The following DNMT1 variants were observed in gnomAD, a reference collection of about 807,000 sequenced individuals.
The protein encoded by DNMT1 is DNA (cytosine-5)-methyltransferase 1.
Under a neutral mutation model 205.3 loss-of-function variants are expected in DNMT1, and 24 were observed. That is an observed-to-expected ratio of 0.12 (90% CI 0.08 to 0.16). DNMT1 has a LOEUF of 0.16. Among genes scored for constraint, DNMT1 ranks in the 10% least tolerant of loss-of-function variants. The probability of loss-of-function intolerance (pLI) is 1.00; values close to 1 mark genes in which losing one functional copy is unlikely to be tolerated. For synonymous variants in DNMT1, 817 were observed against 839.8 expected (o/e 0.97, Z 0.47); for missense variants, 1,293 against 2,177.7 (o/e 0.59, Z 8.09).
At chr19:10,134,978 G>A (rs972284532) in intron 39 of DNMT1, among the ~76,000 whole-genome samples, 8 of 151,530 alleles carry the variant, frequency 5.3e-5, no homozygotes, top group African/African-American at 9.7e-5. Flanking sequence ...TTGGGAGGCC[G>A]AGGCAGGCGG....
intron 7 of DNMT1, among the ~76,000 whole-genome samples, chr19:10,174,984 G>A (rs2038905395): frequency 6.6e-6 from 1 of 151,398 alleles, no homozygotes; most frequent in African/African-American, 2.4e-5. Context: ...GAACCCGGGA[G>A]GCTGAGGTTG....
At chr19:10,189,854 C>G (rs1019701542) in intron 1 of DNMT1, among the ~76,000 whole-genome samples, 2 of 152,116 alleles carry the variant, frequency 1.3e-5, no homozygotes, top group African/African-American at 4.8e-5. Context: ...CACGTAATAA[C>G]CAGTGATGAA....
chr19:10,163,498 T>G (rs537108334), intron 11 of DNMT1, 138 bp from the exon 12 acceptor site: 1 of 850,022 alleles, frequency 1.2e-6, no homozygotes, highest in African/African-American at 1.7e-5. Context: ...CAGGCAGGCC[T>G]GGGCAGATCT....
At chr19:10,141,619 G>A in intron 30 of DNMT1, 1 of 342,160 alleles carries the variant, frequency 2.9e-6, no homozygotes, top group Non-Finnish European at 5.5e-6. Flanking sequence ...CACCCGCACA[G>A]GCATGTGGGC....
chr19:10,188,945 T>C (rs1008143841), intron 1 of DNMT1, among the ~76,000 whole-genome samples: 1 of 152,044 alleles, frequency 6.6e-6, no homozygotes, highest in African/African-American at 2.4e-5. Context: ...AAACAGATTC[T>C]CCCCTGGAGC....
At chr19:10,139,961 T>C in intron 33 of DNMT1, 85 bp downstream of exon 33, 3 of 1,598,664 alleles carry the variant, frequency 1.9e-6, no homozygotes, top group Non-Finnish European at 2.5e-6. Flanking sequence ...GGCAGAGGCC[T>C]CAGTGCAGGG....
In DNMT1 at chr19:10,138,655, C is replaced by A; in HGVS notation, c.3949-50G>T. 6.3e-7 allele frequency: 1 copy of A among 1,578,424 alleles called. No individual in the cohort carries two copies. Among genetic ancestry groups the A allele is most frequent in the South Asian group, 1.1e-5 (1 of 89,098 alleles). On this transcript the variant is annotated intron_variant, in intron 34 of 40. Transcript: ENST00000359526. The surrounding 1 kb of genome is among the most constrained non-coding windows in gnomAD (Gnocchi z 4.1). ...CCCACCGTCAGTGGGACACTCCCAA[C>A]TGGACTGGCCAGACCCAGGCCCAGG... is the stretch of plus-strand genomic sequence containing the variant.
rs2038468513 is a variant in DNMT1 at position 10,156,926 on chromosome 19, A to G, written c.1281-417T>C. Reference sequence around the variant, plus strand: ...ACCACCATGCCTGGCCCCGACACTCATTTTTTGGTTGCGGGAACACTGGAT... The same window carrying G: ...ACCACCATGCCTGGCCCCGACACTCGTTTTTTGGTTGCGGGAACACTGGAT... On this transcript the variant is annotated intron_variant, in intron 17 of 40. Coordinates refer to ENST00000359526, the MANE Select transcript of DNMT1 (RefSeq NM_001130823.3). The surrounding 1 kb of genome is among the most constrained non-coding windows in gnomAD (Gnocchi z 4.2). Among the ~76,000 whole-genome samples the G allele has an allele frequency of 6.6e-6, 1 of 152,040 alleles. No homozygotes were observed. The highest frequency in any genetic ancestry group is 2.1e-4 in the South Asian group (1 of 4,830).
intron 1 of DNMT1, among the ~76,000 whole-genome samples, chr19:10,192,698 T>G (rs2039325487): frequency 6.6e-6 from 1 of 152,160 alleles, no homozygotes; most frequent in Admixed American, 6.5e-5. Context: ...TCACTTCCAT[T>G]CCATTTTAAA....
chr19:10,139,933 A>G, intron 33 of DNMT1, 113 bp downstream of exon 33: 3 of 1,587,686 alleles, frequency 1.9e-6, no homozygotes, highest in East Asian at 2.3e-5. Context: ...GTGAGAGCTG[A>G]GCTGTGAGCT....
Position 10,168,333 on chromosome 19 carries a change from T to A in DNMT1, c.800A>T (p.Glu267Val), listed in dbSNP as rs1391845033. The change falls in exon 10 of 41, where the codon GAA becomes GTA. Residue 267 changes from glutamate (E) to valine (V), a missense_variant. By Grantham distance (121) the Glu-to-Val change is moderately radical (BLOSUM62 -2). This residue lies in a region of DNMT1 where 394 missense variants were observed against 451.6 expected (regional missense o/e 0.87). Transcript: ENST00000359526. ...AAGGCAGGTTCGCTGCACTTACGGT[T>A]CTTTGGTTTGACTTCGGAGTCTCTT... ...EEKRLRSQTK[E>V]PTPKQKLKEE... 1.2e-6 allele frequency: 2 copies of A among 1,614,032 alleles called. No homozygotes were observed. The highest frequency in any genetic ancestry group is 3.3e-5 in the Admixed American group (2 of 59,980).
chr19:10,145,667 G>A (rs1490005950), intron 28 of DNMT1, among the ~76,000 whole-genome samples: 1 of 152,142 alleles, frequency 6.6e-6, no homozygotes, highest in African/African-American at 2.4e-5. Context: ...GCCAGGTACT[G>A]TATGGAGCAC....
chr19:10,173,064 C>G, intron 9 of DNMT1, 26 bp downstream of exon 9: 1 of 1,613,894 alleles, frequency 6.2e-7, no homozygotes, highest in South Asian at 1.1e-5. Flanking sequence ...GGAGAATTAA[C>G]AAACTTAGAG....
chr19:10,194,638 G>A (rs1298833089), intron 1 of DNMT1, 182 bp downstream of exon 1: 20 of 780,848 alleles, frequency 2.6e-5, no homozygotes, highest in Non-Finnish European at 3.0e-5. Context: ...GCGCCAAACA[G>A]CCCGGGCACG....
Position 10,194,927 on chromosome 19 carries a change from G to GGCA in DNMT1, c.-31_-29dup, listed in dbSNP as rs1568266013. On this transcript the variant is annotated 5_prime_UTR_variant, in exon 1 of 41. Coordinates refer to ENST00000359526, the MANE Select transcript of DNMT1 (RefSeq NM_001130823.3). Reference sequence around the variant, plus strand: ...CGGAGGCTTCAGCAGACGCGGCGGCGGCAGCGCAGGCGCCCCGGCTTTTCG... The same window carrying GGCA: ...CGGAGGCTTCAGCAGACGCGGCGGCGGCAGCAGCGCAGGCGCCCCGGCTTTTCG... 80 of 1,590,216 alleles carry GGCA rather than the reference G, an allele frequency of 5.0e-5. No individual in the cohort carries two copies. The highest frequency in any genetic ancestry group is 6.5e-5 in the Non-Finnish European group (76 of 1,168,484).
Position 10,142,197 on chromosome 19 carries a change from G to A in DNMT1, c.3140C>T (p.Thr1047Ile), listed in dbSNP as rs780153466. The A allele has an allele frequency of 4.3e-6, 7 of 1,614,054 alleles. No individual in the cohort carries two copies. The South Asian group carries it at 6.6e-5, about 15-fold the overall frequency. Residue 1047 changes from threonine to isoleucine, a missense_variant, in exon 30 of 41, where the codon ACT becomes ATT. Physicochemically the swap from Thr to Ile is moderately conservative, Grantham distance 89. Transcript: ENST00000359526. Reference sequence around the variant, plus strand: ...GATGTCTGCGTGGTAGCTCGCTGGAGTGGACTTGTGGGTGTTCTCAGGCCT... The same window carrying A: ...GATGTCTGCGTGGTAGCTCGCTGGAATGGACTTGTGGGTGTTCTCAGGCCT... ...FYRPENTHKS[T>I]PASYHADINL...
At position 10,138,103 on chromosome 19, in the gene DNMT1, C is replaced by T; in HGVS notation, c.4116-94G>A. The T allele has an allele frequency of 7.0e-7, 1 of 1,431,118 alleles. No individual in the cohort carries two copies. Among genetic ancestry groups the T allele is most frequent in the Non-Finnish European group, 9.6e-7 (1 of 1,046,918 alleles). 88.7% of individuals were successfully genotyped at this position (1,431,118 alleles called of 1,614,324 possible). On this transcript the variant is annotated intron_variant, in intron 35 of 40. Coordinates refer to ENST00000359526, the MANE Select transcript of DNMT1 (RefSeq NM_001130823.3). This position sits in a 1 kb window ranked among gnomAD's most constrained non-coding sequence, Gnocchi z 4.1. ...ACCCCCTGCCTGCTCAGATGGCCTT[C>T]TCCCGAGATCACAGCACTGCCCGAG...
chr19:10,179,342 T>C lies in DNMT1; in HGVS notation c.493+845A>G, dbSNP rs62106246. 4.5e-3 allele frequency among the ~76,000 whole-genome samples: 685 copies of C among 151,730 alleles called. 4 individuals carry two copies. The highest frequency in any genetic ancestry group is 0.02 in the Middle Eastern group (6 of 294). ...CAACATTTTTTTTTTTTTGAGACAG[T>C]GTCTTACTCTTGTTGCCCAGGCTGG... On this transcript the variant is annotated intron_variant, in intron 5 of 40. Transcript: ENST00000359526.
chr19:10,159,518 G>A lies in DNMT1; in HGVS notation c.1280+140C>T. 3 of 883,706 alleles carry A rather than the reference G, an allele frequency of 3.4e-6. No individual in the cohort carries two copies. Among genetic ancestry groups the A allele is most frequent in the South Asian group, 2.9e-5 (2 of 68,914 alleles). The allele number at this position is 883,706 out of a possible 1,614,324, so 54.7% of individuals were successfully genotyped here. A position where few individuals can be genotyped will look rare whatever the true frequency, so the allele number is the denominator to read the frequency against. ...GCCACCGCGCCCAGCCCTCCACGGTGGCTCTTATCCACGAAGTGTTAGCTT... is the reference window on the plus strand; with the variant it reads ...GCCACCGCGCCCAGCCCTCCACGGTAGCTCTTATCCACGAAGTGTTAGCTT... On this transcript the variant is annotated intron_variant, in intron 17 of 40. Coordinates refer to ENST00000359526, the MANE Select transcript of DNMT1 (RefSeq NM_001130823.3). The surrounding 1 kb of genome is among the most constrained non-coding windows in gnomAD (Gnocchi z 5.0).
Sources: gnomAD v4.1 joint callset for allele counts (sites outside exome capture counted in the v4.1 genomes callset) on GRCh38, gnomAD v4.1.1 for gene constraint, gnomAD v4.1.1 regional missense constraint, Gnocchi (gnomAD v3.1) non-coding constraint, MANE v1.5 for transcripts, NCBI Gene and HGNC (gene_info 2026-07-23, HGNC 2026-07-21) for gene names.